KAZN: variants seen among roughly 807,000 people sequenced by gnomAD.
The protein encoded by KAZN is kazrin, periplakin interacting protein.
A neutral mutation model predicts 87.4 loss-of-function variants in KAZN; 40 were observed. The observed-to-expected ratio is 0.46, with a 90% CI of 0.36 to 0.60. The LOEUF is 0.60. Among genes scored for constraint, KAZN ranks in the 20% least tolerant of loss-of-function variants. The pLI is 0.00. For synonymous variants in KAZN, 466 were observed against 458.3 expected, an observed-to-expected ratio of 1.02 and a Z score of -0.22; for missense variants, 898 against 1,073.9, an observed-to-expected ratio of 0.84 and a Z score of 2.29.
intron 1 of KAZN, among the ~76,000 whole-genome samples, chr1:14,867,711 T>C (rs923775591): frequency 1.3e-5 from 2 of 148,920 alleles, no homozygotes; most frequent in Admixed American, 6.7e-5. Context: ...CTTTACTCGG[T>C]GTCTTTGAAG....
At chr1:14,967,216 C>T (rs372726249) in intron 2 of KAZN, among the ~76,000 whole-genome samples, 1 of 152,152 alleles carries the variant, frequency 6.6e-6, no homozygotes, top group African/African-American at 2.4e-5. Context: ...CCTCCCTTTG[C>T]AGCCTGGTCA....
rs1048132770 is a variant in KAZN, at chr1:14,550,940, C to T, written c.250-48043C>T. Among the ~76,000 whole-genome samples, 5 of 151,770 alleles carry T rather than the reference C, an allele frequency of 3.3e-5. No individual in the cohort carries two copies. The East Asian group carries it at 9.7e-4, about 29-fold the overall frequency. On this transcript the variant is annotated intron_variant, in intron 2 of 16. Transcript: ENST00000636203. ...AGACAACTCTTCTCCCCGGCAGTCT[C>T]CCCTCAATCCTTGTAAAGCATTCTC...
chr1:14,571,739 C>T (rs1482629644), intron 2 of KAZN, among the ~76,000 whole-genome samples: 2 of 152,158 alleles, frequency 1.3e-5, no homozygotes, highest in African/African-American at 4.8e-5. Flanking sequence ...GGTGGTACCT[C>T]CCCTCCGCCA....
chr1:14,045,402 T>C (rs983630222), intron 1 of KAZN, among the ~76,000 whole-genome samples: 3 of 152,256 alleles, frequency 2.0e-5, no homozygotes, highest in South Asian at 2.1e-4. Flanking sequence ...CAATTGACTT[T>C]GCTCAAATCC....
chr1:13,980,215 G>A (rs1638596502), intron 1 of KAZN, among the ~76,000 whole-genome samples: 1 of 152,064 alleles, frequency 6.6e-6, no homozygotes, highest in South Asian at 2.1e-4. Flanking sequence ...TAATTCAAAA[G>A]AAGGCAAGAA....
intron 2 of KAZN, among the ~76,000 whole-genome samples, chr1:14,510,491 G>T (rs557771063): frequency 2.6e-4 from 39 of 152,152 alleles, no homozygotes; most frequent in Admixed American, 7.9e-4. Flanking sequence ...TAAAACAAAG[G>T]TATTCATGGT....
At chr1:14,993,540 C>T (rs1028210674) in intron 2 of KAZN, among the ~76,000 whole-genome samples, 40 of 152,078 alleles carry the variant, frequency 2.6e-4, no homozygotes, top group African/African-American at 9.4e-4. Flanking sequence ...AGAATTCTAC[C>T]AAGAGTCTGC....
Position 14,599,022 on chromosome 1 carries a change from G to C in KAZN, c.25G>C (p.Ala9Pro). 3 of 1,570,508 alleles carry C rather than the reference G, an allele frequency of 1.9e-6. No individual in the cohort carries two copies. The highest frequency in any genetic ancestry group is 2.6e-6 in the Non-Finnish European group (3 of 1,162,268). Residue 9 changes from alanine to proline, a missense_variant, in exon 1 of 15, where the codon GCG becomes CCG. Transcript: ENST00000376030. This position sits in a 1 kb window ranked among gnomAD's most constrained non-coding sequence, Gnocchi z 4.4. MMEDNKQL[A>P]LRIDGAVQSA... is the part of the protein sequence containing the mutation. ...CATGATGGAAGACAATAAGCAGCTC[G>C]CGCTCCGCATCGATGGGGCGGTCCA...
At chr1:14,576,625 C>G (rs1046069020) in intron 2 of KAZN, among the ~76,000 whole-genome samples, 1 of 152,188 alleles carries the variant, frequency 6.6e-6, no homozygotes, top group Non-Finnish European at 1.5e-5. Context: ...GAAAAGCCAT[C>G]TGGTCTTGGT....
At chr1:14,725,642 C>T (rs757851597) in intron 1 of KAZN, among the ~76,000 whole-genome samples, 2 of 152,126 alleles carry the variant, frequency 1.3e-5, no homozygotes, top group African/African-American at 2.4e-5. Flanking sequence ...GTGTTGCCCA[C>T]GTTCATTGCC....
At chr1:15,035,861 C>G (rs1039062812) in intron 3 of KAZN, among the ~76,000 whole-genome samples, 1 of 152,136 alleles carries the variant, frequency 6.6e-6, no homozygotes, top group Non-Finnish European at 1.5e-5. Flanking sequence ...GCGTAGGCAC[C>G]TTGGTCACAG....
intron 1 of KAZN, among the ~76,000 whole-genome samples, chr1:14,883,371 GAAA>G (rs1181235043): frequency 3.2e-5 from 3 of 93,644 alleles, no homozygotes; most frequent in South Asian, 9.0e-4. Context: ...AAGAAAGAAA[GAAA>G]GAAAGAAAGA....
intron 1 of KAZN, chr1:14,924,005 G>A: frequency 1.8e-6 from 1 of 571,272 alleles, no homozygotes; most frequent in Non-Finnish European, 2.2e-6. Flanking sequence ...GGGGCGACGC[G>A]GCGGCGCTCC....
chr1:15,063,728 G>A (rs954607392), intron 7 of KAZN, 106 bp downstream of exon 7: 1 of 929,906 alleles, frequency 1.1e-6, no homozygotes, highest in Non-Finnish European at 1.7e-6. Context: ...CACCCAAGGT[G>A]GAGAGGATTT....
At chr1:14,149,681 TG>T (rs1325327687) in intron 1 of KAZN, among the ~76,000 whole-genome samples, 1 of 152,166 alleles carries the variant, frequency 6.6e-6, no homozygotes, top group African/African-American at 2.4e-5. Flanking sequence ...GTGGTGACTG[TG>T]GGTTTATGCT....
chr1:15,071,320 C>T (rs1453364324), intron 8 of KAZN, among the ~76,000 whole-genome samples: 2 of 151,952 alleles, frequency 1.3e-5, no homozygotes, highest in African/African-American at 2.4e-5. Context: ...GGCGCGATCT[C>T]GGCTCACTGC....
At chr1:14,150,642 C>G (rs6662072) in intron 1 of KAZN, among the ~76,000 whole-genome samples, 93,536 of 152,092 alleles carry the variant, frequency 0.61, 29,614 homozygotes, top group African/African-American at 0.75. Context: ...CAACTAGGAG[C>G]CATGCATGAA....
At chr1:15,046,418 AG>A (rs1404296879) in intron 4 of KAZN, among the ~76,000 whole-genome samples, 1 of 151,712 alleles carries the variant, frequency 6.6e-6, no homozygotes, top group African/African-American at 2.4e-5. Context: ...GAGGAGGAGG[AG>A]GGAGAGGAAG....
chr1:14,470,890 T>C (rs2148369464), intron 2 of KAZN, among the ~76,000 whole-genome samples: 1 of 152,314 alleles, frequency 6.6e-6, no homozygotes, highest in African/African-American at 2.4e-5. Context: ...GTGGCTTCCA[T>C]CTGGCTCTCT....
Sources: gnomAD v4.1 joint callset for allele counts (sites outside exome capture counted in the v4.1 genomes callset) on GRCh38, gnomAD v4.1.1 for gene constraint, Gnocchi (gnomAD v3.1) non-coding constraint, MANE v1.5 for transcripts, NCBI Gene and HGNC (gene_info 2026-07-23, HGNC 2026-07-21) for gene names.